The following PLCL2 variants were observed in gnomAD, a reference collection of about 807,000 sequenced individuals.
PLCL2 encodes phospholipase C like 2.
Under a neutral mutation model 79.6 loss-of-function variants are expected in PLCL2, and 4 were observed. The observed-to-expected ratio is 0.05, with a 90% confidence interval of 0.02 to 0.11. The LOEUF is 0.11. Among genes scored for constraint, PLCL2 ranks in the 10% least tolerant of loss-of-function variants. PLCL2 has a pLI of 1.00. For synonymous variants in PLCL2, 484 were observed against 457.7 expected, an observed-to-expected ratio of 1.06 and a Z score of -0.73; for missense variants, 895 against 1,291.0, an observed-to-expected ratio of 0.69 and a Z score of 4.70.
At chr3:17,081,563 G>A (rs2065162694) in intron 5 of PLCL2, 1 of 212,146 alleles carries the variant, frequency 4.7e-6, no homozygotes, top group South Asian at 7.1e-5. Context: ...CTCCTAAAAT[G>A]TAGCACTAAC....
chr3:17,003,522 G>A (rs2064230630), intron 1 of PLCL2, among the ~76,000 whole-genome samples: 1 of 152,110 alleles, frequency 6.6e-6, no homozygotes, highest in Non-Finnish European at 1.5e-5. Flanking sequence ...TCCTGTAATG[G>A]TAGACTGCTT....
At chr3:16,937,116 C>G (rs1697559119) in intron 1 of PLCL2, among the ~76,000 whole-genome samples, 1 of 152,146 alleles carries the variant, frequency 6.6e-6, no homozygotes, top group African/African-American at 2.4e-5. Flanking sequence ...AATGTCCCCT[C>G]AGGAGCAGAT....
At position 17,010,780 on chromosome 3, in the gene PLCL2, G is replaced by A. The variant is rs758676919; in HGVS notation, c.1434G>A (p.Pro478=). 1.1e-5 allele frequency: 18 copies of A among 1,613,958 alleles called. No individual in the cohort carries two copies. The highest frequency in any genetic ancestry group is 3.3e-5 in the South Asian group (3 of 91,076). ...TTGAATTAGATGTATGGGATGGGCC[G>A]GACAATGAACCTGTAATTTACACAG... ...RSVELDVWDG[P]DNEPVIYTGH... is the part of the protein sequence containing the mutation. Residue 478 remains proline, a synonymous_variant, in exon 2 of 6, where the codon CCG becomes CCA. Transcript: ENST00000615277. This position sits in a 1 kb window ranked among gnomAD's most constrained non-coding sequence, Gnocchi z 5.8.
chr3:17,029,262 G>GACCCTAGATGTC (rs2064554119), intron 3 of PLCL2, among the ~76,000 whole-genome samples: 1 of 151,626 alleles, frequency 6.6e-6, no homozygotes, highest in South Asian at 2.1e-4. Context: ...CTCTTGTTCA[G>GACCCTAGATGTC]ACCCTAGATG....
At chr3:17,050,785 C>T (rs1461941254) in intron 4 of PLCL2, among the ~76,000 whole-genome samples, 1 of 152,126 alleles carries the variant, frequency 6.6e-6, no homozygotes, top group Non-Finnish European at 1.5e-5. Flanking sequence ...TCGAGCAATC[C>T]CACTGCTGCA....
chr3:16,971,605 A>T lies in PLCL2; in HGVS notation c.328-38069A>T, dbSNP rs578100217. ...GTGAAGAAAGTCATTGGTAGCTTGA[A>T]GGGGATGGCACTGAATCTATAAATT... is the stretch of plus-strand genomic sequence containing the variant. On this transcript the variant is annotated intron_variant, in intron 1 of 5. Transcript: ENST00000615277. 3.9e-5 allele frequency among the ~76,000 whole-genome samples: 6 copies of T among 152,240 alleles called. No homozygotes were observed. In the East Asian group the frequency reaches 7.7e-4, roughly 20 times the overall value.
At chr3:17,042,665 T>A (rs955632585) in intron 3 of PLCL2, 9 of 494,126 alleles carry the variant, frequency 1.8e-5, no homozygotes, top group African/African-American at 1.7e-4. Flanking sequence ...TGGAAAGTAA[T>A]ACTATTCACA....
intron 1 of PLCL2, among the ~76,000 whole-genome samples, chr3:16,917,325 C>T (rs575087764): frequency 2.6e-4 from 40 of 152,298 alleles, no homozygotes; most frequent in African/African-American, 9.4e-4. Context: ...TAGGTCAAAA[C>T]ATGCTCATTT....
chr3:17,055,531 A>G (rs2064883583), intron 4 of PLCL2, among the ~76,000 whole-genome samples: 1 of 152,180 alleles, frequency 6.6e-6, no homozygotes, highest in Non-Finnish European at 1.5e-5. Flanking sequence ...CTGCTCTAAG[A>G]TTCCCACATC....
intron 1 of PLCL2, chr3:16,933,355 A>G (rs530505849): frequency 2.6e-5 from 4 of 154,604 alleles, no homozygotes; most frequent in Admixed American, 6.5e-5. Context: ...TTTCTCCTCT[A>G]AAGAGTTTTG....
chr3:16,970,975 T>G (rs1397527377), intron 1 of PLCL2, among the ~76,000 whole-genome samples: 1 of 152,200 alleles, frequency 6.6e-6, no homozygotes, highest in Admixed American at 6.5e-5. Flanking sequence ...TTTTATCAGA[T>G]AAGTAGGTTG....
chr3:16,926,249 A>G (rs749371731), intron 1 of PLCL2, among the ~76,000 whole-genome samples: 9 of 152,240 alleles, frequency 5.9e-5, no homozygotes, highest in Non-Finnish European at 1.3e-4. Flanking sequence ...AAAAAAGCCC[A>G]TTATTCATAA....
intron 5 of PLCL2, among the ~76,000 whole-genome samples, chr3:17,077,861 G>T (rs186654645): frequency 7.4e-4 from 112 of 152,266 alleles, no homozygotes; most frequent in Middle Eastern, 3.4e-3. Context: ...CGGAAACCTG[G>T]CAGCCCCCGA....
intron 1 of PLCL2, among the ~76,000 whole-genome samples, chr3:16,894,311 A>G (rs567362316): frequency 1.3e-5 from 2 of 152,208 alleles, no homozygotes; most frequent in African/African-American, 4.8e-5. Context: ...TAAAATTCCT[A>G]TTGAAATACT....
At chr3:16,924,935 T>G (rs1182885852) in intron 1 of PLCL2, among the ~76,000 whole-genome samples, 3 of 152,074 alleles carry the variant, frequency 2.0e-5, no homozygotes, top group Admixed American at 1.3e-4. Flanking sequence ...TTGTTTGTTT[T>G]TTTTTTGAGA....
At chr3:17,034,413 TAAA>T (rs1178968941) in intron 3 of PLCL2, among the ~76,000 whole-genome samples, 3 of 152,144 alleles carry the variant, frequency 2.0e-5, no homozygotes, top group East Asian at 1.9e-4. Context: ...TATTGGGAAA[TAAA>T]AAAAATTATC....
At position 16,918,178 on chromosome 3, in the gene PLCL2, A is replaced by G. The variant is rs1258345892; in HGVS notation, c.327+32812A>G. Among the ~76,000 whole-genome samples, 3 of 152,192 alleles carry G rather than the reference A, an allele frequency of 2.0e-5. No homozygotes were observed. In the East Asian group the frequency reaches 5.8e-4, roughly 29 times the overall value. ...TAAGGCTGTAAGATTGTGCCAGGTT[A>G]TTATAAGGAAGAACAGATTATCACT... On this transcript the variant is annotated intron_variant, in intron 1 of 5. Transcript: ENST00000615277.
chr3:17,028,004 TA>T (rs2064537177), intron 3 of PLCL2, among the ~76,000 whole-genome samples: 1 of 152,172 alleles, frequency 6.6e-6, no homozygotes, highest in South Asian at 2.1e-4. Flanking sequence ...TAACCTCACA[TA>T]TATTTAGTGT....
At chr3:17,058,299 C>T (rs2064911469) in intron 4 of PLCL2, among the ~76,000 whole-genome samples, 1 of 152,152 alleles carries the variant, frequency 6.6e-6, no homozygotes, top group Admixed American at 6.5e-5. Context: ...AGGCCAGGAA[C>T]TAATATAATC....
Sources: allele counts gnomAD v4.1 joint callset (sites outside exome capture counted in the v4.1 genomes callset), GRCh38; gene constraint gnomAD v4.1.1; non-coding constraint Gnocchi (gnomAD v3.1); transcripts MANE v1.5; gene names NCBI Gene and HGNC (gene_info 2026-07-23, HGNC 2026-07-21).